CDH4: variants seen among roughly 807,000 people sequenced by gnomAD.
The protein encoded by CDH4 is cadherin 4.
In CDH4, 33 loss-of-function variants were observed where a neutral mutation model predicts 86.0. The ratio of observed to expected loss-of-function variants is 0.38; its 90% CI spans 0.29 to 0.51. CDH4 has a LOEUF of 0.51. Ranked by LOEUF, CDH4 falls within the 20% of genes least tolerant of loss-of-function variation. The probability of loss-of-function intolerance (pLI) is 0.86; values close to 1 mark genes in which losing one functional copy is unlikely to be tolerated. For synonymous variants in CDH4, 555 were observed against 549.4 expected (o/e 1.01, Z -0.14); for missense variants, 1,114 against 1,307.4 (o/e 0.85, Z 2.28).
At chr20:61,587,600 C>T (rs567480958) in intron 2 of CDH4, among the ~76,000 whole-genome samples, 5 of 151,992 alleles carry the variant, frequency 3.3e-5, no homozygotes, top group South Asian at 4.2e-4. Context: ...ATTTTGACTC[C>T]GCTCCTTCCC....
In CDH4 at chr20:61,902,456, A is replaced by G. The variant is rs1296315342; in HGVS notation, c.1188+7409A>G. 1.3e-5 allele frequency among the ~76,000 whole-genome samples: 2 copies of G among 152,258 alleles called. No individual in the cohort carries two copies. Among genetic ancestry groups the G allele is most frequent in the African/African-American group, 2.4e-5 (1 of 41,474 alleles). ...TGCAGGAGTGCAAGGGCAGATCCAC[A>G]GAGGAGCGTGCGGGGCCCCACCTTC... is the stretch of plus-strand genomic sequence containing the variant. On this transcript the variant is annotated intron_variant, in intron 8 of 15. Transcript: ENST00000614565. The surrounding 1 kb of genome is among the most constrained non-coding windows in gnomAD (Gnocchi z 4.6).
At chr20:61,804,377 G>C (rs145169039) in intron 4 of CDH4, among the ~76,000 whole-genome samples, 25 of 152,342 alleles carry the variant, frequency 1.6e-4, no homozygotes, top group Non-Finnish European at 2.6e-4. Flanking sequence ...CACAGCCACT[G>C]TCCATGCTGT....
At chr20:61,689,725 T>TTGGCCTGGGACATTGTTTGGTGA (rs2087630240) in intron 2 of CDH4, among the ~76,000 whole-genome samples, 1 of 150,960 alleles carries the variant, frequency 6.6e-6, no homozygotes, top group African/African-American at 2.4e-5. Context: ...TGATGTGGAA[T>TTGGCCTGGGACATTGTTTGGTGA]AGGGCTGGGA....
Position 61,754,654 on chromosome 20 carries a change from A to ACGCACACACGCCC in CDH4, c.396+10875_396+10887dup, listed in dbSNP as rs908363752. 2.0e-5 allele frequency among the ~76,000 whole-genome samples: 3 copies of ACGCACACACGCCC among 150,218 alleles called. No homozygotes were observed. The highest frequency in any genetic ancestry group is 7.4e-5 in the African/African-American group (3 of 40,340). ...CACACACACACGCCCCACACACCAC[A>ACGCACACACGCCC]CGCACACACGCCCCGCACACACTAT... is the stretch of plus-strand genomic sequence containing the variant. On this transcript the variant is annotated intron_variant, in intron 3 of 15. Coordinates refer to ENST00000614565, the MANE Select transcript of CDH4 (RefSeq NM_001794.5). The surrounding 1 kb of genome is among the most constrained non-coding windows in gnomAD (Gnocchi z 4.7).
At chr20:61,805,062 G>A (rs117398571) in intron 4 of CDH4, among the ~76,000 whole-genome samples, 264 of 152,334 alleles carry the variant, frequency 1.7e-3, no homozygotes, top group South Asian at 3.7e-3. Context: ...CTCCAAGTTC[G>A]TGGAAAGAGA....
rs952045142 is a variant in CDH4 at position 61,471,117 on chromosome 20, A to G, written c.169+216180A>G. On this transcript the variant is annotated intron_variant, in intron 2 of 15. Transcript: ENST00000614565. ...GAATCTTTTAAGTAGGATTGATATT[A>G]GTTCTTTAAATATTTGGTAAAATTC... is the stretch of plus-strand genomic sequence containing the variant. 7.2e-5 allele frequency among the ~76,000 whole-genome samples: 11 copies of G among 152,104 alleles called. No homozygotes were observed. In the East Asian group the frequency reaches 2.1e-3, roughly 29 times the overall value.
At position 61,565,221 on chromosome 20, in the gene CDH4, T is replaced by TGGTAGTGGTCCTCTTGGTGATGGGG. The variant is rs1414076004; in HGVS notation, c.170-178342_170-178341insGGTAGTGGTCCTCTTGGTGATGGGG. On this transcript the variant is annotated intron_variant, in intron 2 of 15. Transcript: ENST00000614565. Reference sequence around the variant, plus strand: ...GTGGTGGTCGCGGTGCTCTCGGTGGTAGGTGGTGGTGGTGGTGGTGGCGGT... The same window carrying TGGTAGTGGTCCTCTTGGTGATGGGG: ...GTGGTGGTCGCGGTGCTCTCGGTGGTGGTAGTGGTCCTCTTGGTGATGGGGAGGTGGTGGTGGTGGTGGTGGCGGT... Among the ~76,000 whole-genome samples the TGGTAGTGGTCCTCTTGGTGATGGGG allele has an allele frequency of 5.9e-4, 24 of 40,542 alleles. 2 individuals are homozygous for TGGTAGTGGTCCTCTTGGTGATGGGG. Among genetic ancestry groups the TGGTAGTGGTCCTCTTGGTGATGGGG allele is most frequent in the Non-Finnish European group, 9.8e-4 (20 of 20,458 alleles). 26.6% of individuals were successfully genotyped at this position (40,542 alleles called of 152,430 possible).
At chr20:61,720,218 A>C (rs2088019607) in intron 2 of CDH4, among the ~76,000 whole-genome samples, 1 of 152,098 alleles carries the variant, frequency 6.6e-6, no homozygotes, top group Non-Finnish European at 1.5e-5. Context: ...GAGGAGCTGA[A>C]GTCTCCCCAT....
chr20:61,741,641 G>A (rs1432559962), intron 2 of CDH4, among the ~76,000 whole-genome samples: 3 of 152,034 alleles, frequency 2.0e-5, no homozygotes, highest in African/African-American at 7.2e-5. Flanking sequence ...ACAGGCACCC[G>A]CCACCACGCC....
chr20:61,479,931 C>T (rs1185281936), intron 2 of CDH4, among the ~76,000 whole-genome samples: 5 of 152,126 alleles, frequency 3.3e-5, no homozygotes, highest in African/African-American at 9.7e-5. Flanking sequence ...ACTTTATCTT[C>T]AAGTTCATTT....
intron 2 of CDH4, among the ~76,000 whole-genome samples, chr20:61,729,843 A>C (rs6089268): frequency 0.01 from 1,532 of 152,146 alleles, 27 homozygotes; most frequent in Middle Eastern, 0.031. Flanking sequence ...GGGAGACGCA[A>C]GTTTAATATT....
At chr20:61,412,831 C>T (rs1023727626) in intron 2 of CDH4, among the ~76,000 whole-genome samples, 8 of 152,148 alleles carry the variant, frequency 5.3e-5, no homozygotes, top group South Asian at 4.1e-4. Context: ...CTCATATGAT[C>T]GCCCTTTAAG....
intron 9 of CDH4, among the ~76,000 whole-genome samples, chr20:61,920,344 CAT>C (rs1221809154): frequency 8.5e-6 from 1 of 117,912 alleles, no homozygotes; most frequent in African/African-American, 3.3e-5. Context: ...AGCGTGGTGT[CAT>C]AGTGATTGCA....
At chr20:61,817,273 T>G (rs1034696614) in intron 4 of CDH4, among the ~76,000 whole-genome samples, 1 of 152,072 alleles carries the variant, frequency 6.6e-6, no homozygotes, top group Non-Finnish European at 1.5e-5. Context: ...TGAGTGCCCC[T>G]CACCGGGCCC....
intron 3 of CDH4, among the ~76,000 whole-genome samples, chr20:61,759,617 A>G (rs1006211317): frequency 5.9e-5 from 9 of 152,158 alleles, no homozygotes; most frequent in African/African-American, 2.2e-4. Flanking sequence ...GACTCTGGGA[A>G]AAAGTAATAC....
chr20:61,413,943 G>T (rs1192492608), intron 2 of CDH4, among the ~76,000 whole-genome samples: 2 of 152,160 alleles, frequency 1.3e-5, no homozygotes, highest in African/African-American at 4.8e-5. Flanking sequence ...CAAGTCCACG[G>T]TGTCTGCAGG....
At chr20:61,253,872 G>A (rs1042345705) in intron 1 of CDH4, among the ~76,000 whole-genome samples, 19 of 152,180 alleles carry the variant, frequency 1.2e-4, no homozygotes, top group Admixed American at 3.3e-4. Flanking sequence ...GCCACTGCCC[G>A]GTGCGGGCTG....
chr20:61,535,925 G>C (rs2085993795), intron 2 of CDH4, among the ~76,000 whole-genome samples: 1 of 152,196 alleles, frequency 6.6e-6, no homozygotes, highest in Admixed American at 6.5e-5. Flanking sequence ...AAGCAATGTT[G>C]TGCCTAGCTG....
intron 8 of CDH4, among the ~76,000 whole-genome samples, chr20:61,905,541 G>A (rs990669279): frequency 2.6e-5 from 4 of 152,192 alleles, no homozygotes; most frequent in Admixed American, 6.5e-5. Flanking sequence ...AGGCACGGCC[G>A]CTCCACCAGG....
Sources: allele counts gnomAD v4.1 joint callset (sites outside exome capture counted in the v4.1 genomes callset), GRCh38; gene constraint gnomAD v4.1.1; non-coding constraint Gnocchi (gnomAD v3.1); transcripts MANE v1.5; gene names NCBI Gene and HGNC (gene_info 2026-07-23, HGNC 2026-07-21).